STAU2: variants seen among roughly 807,000 people sequenced by gnomAD.
STAU2 encodes the protein staufen double-stranded RNA binding protein 2, also known as double-stranded RNA-binding protein Staufen homolog 2.
In STAU2, 20 loss-of-function variants were observed where a neutral mutation model predicts 65.9. The ratio of observed to expected loss-of-function variants is 0.30; its 90% confidence interval spans 0.21 to 0.44. The LOEUF (loss-of-function observed/expected upper bound fraction) is 0.44. Among genes scored for constraint, STAU2 ranks in the 20% least tolerant of loss-of-function variants. The pLI is 1.00. For synonymous variants in STAU2, 232 were observed against 233.9 expected, an observed-to-expected ratio of 0.99 and a Z score of 0.07; for missense variants, 558 against 683.9, an observed-to-expected ratio of 0.82 and a Z score of 2.05.
chr8:73,624,293 C>T (rs1233453826), intron 6 of STAU2, among the ~76,000 whole-genome samples: 1 of 152,130 alleles, frequency 6.6e-6, no homozygotes, highest in Non-Finnish European at 1.5e-5. Context: ...GTATCACTGA[C>T]AGTAGTGCCA....
At chr8:73,726,041 G>A (rs1805599445) in intron 3 of STAU2, among the ~76,000 whole-genome samples, 3 of 149,698 alleles carry the variant, frequency 2.0e-5, no homozygotes, top group African/African-American at 7.4e-5. Context: ...TTCTACTTTA[G>A]GTTGACTTCT....
chr8:73,651,693 C>T (rs1308581320), intron 6 of STAU2: 5 of 465,492 alleles, frequency 1.1e-5, no homozygotes, highest in Non-Finnish European at 2.0e-5. Flanking sequence ...TGGCGTACCA[C>T]CCCCCAAAGC....
intron 13 of STAU2, among the ~76,000 whole-genome samples, chr8:73,461,187 G>C (rs1447416465): frequency 6.6e-6 from 1 of 152,130 alleles, no homozygotes. Context: ...CCTCAAATGA[G>C]ACAATGCACA....
intron 3 of STAU2, among the ~76,000 whole-genome samples, chr8:73,715,145 T>A (rs1400721769): frequency 6.8e-6 from 1 of 147,108 alleles, no homozygotes; most frequent in Non-Finnish European, 1.5e-5. Flanking sequence ...ATACTATAAA[T>A]CAATTTTTTT....
chr8:73,429,230 C>T (rs1817067847), intron 13 of STAU2, among the ~76,000 whole-genome samples: 1 of 152,128 alleles, frequency 6.6e-6, no homozygotes, highest in Non-Finnish European at 1.5e-5. Context: ...ATGAGCATCA[C>T]TCCGCCATTG....
rs1816346845 is a variant in STAU2, at chr8:73,421,115, A to C, written c.*257T>G. On this transcript the variant is annotated 3_prime_UTR_variant, in exon 15 of 15. Transcript: ENST00000524300. ...TTTACTTGTTATTTTAAGCTCCAGTAGCAGGATCAGATTTCTGCTGCCTCT... is the reference window on the plus strand; with the variant it reads ...TTTACTTGTTATTTTAAGCTCCAGTCGCAGGATCAGATTTCTGCTGCCTCT... 2.6e-6 allele frequency: 1 copy of C among 387,794 alleles called. No homozygotes were observed. Among genetic ancestry groups the C allele is most frequent in the Non-Finnish European group, 4.6e-6 (1 of 218,084 alleles). 24.0% of individuals were successfully genotyped at this position (387,794 alleles called of 1,614,324 possible).
intron 13 of STAU2, among the ~76,000 whole-genome samples, chr8:73,423,379 A>C (rs1158956615): frequency 6.6e-6 from 1 of 152,000 alleles, no homozygotes; most frequent in Non-Finnish European, 1.5e-5. Context: ...GGCACCAAAA[A>C]TGCCATGCTG....
intron 13 of STAU2, among the ~76,000 whole-genome samples, chr8:73,460,539 A>T (rs2128899423): frequency 6.6e-6 from 1 of 152,340 alleles, no homozygotes; most frequent in Middle Eastern, 3.4e-3. Context: ...TGGCTAAATA[A>T]TTATTACATT....
At chr8:73,526,210 T>TGGGC (rs774280702) in intron 13 of STAU2, among the ~76,000 whole-genome samples, 1 of 152,210 alleles carries the variant, frequency 6.6e-6, no homozygotes, top group Non-Finnish European at 1.5e-5. Flanking sequence ...AACTCCTTCA[T>TGGGC]TTAACATAAC....
At chr8:73,446,330 C>G (rs1818465028) in intron 13 of STAU2, among the ~76,000 whole-genome samples, 1 of 152,180 alleles carries the variant, frequency 6.6e-6, no homozygotes, top group African/African-American at 2.4e-5. Flanking sequence ...CGAGGGAGAG[C>G]CTCATGGTGA....
chr8:73,479,472 G>GCGCACACACACACACA (rs1554595263), intron 13 of STAU2, among the ~76,000 whole-genome samples: 1 of 139,842 alleles, frequency 7.2e-6, no homozygotes, highest in South Asian at 2.5e-4. Context: ...TCCCTATTCT[G>GCGCACACACACACACA]CACACACACA....
In STAU2 at chr8:73,673,205, A is replaced by G; in HGVS notation, c.312T>C (p.Ala104=). 1 of 1,605,650 alleles carries G rather than the reference A, an allele frequency of 6.2e-7. No homozygotes were observed. Among genetic ancestry groups the G allele is most frequent in the Non-Finnish European group, 8.5e-7 (1 of 1,175,362 alleles). ...ITPTVELNGL[A]MKRGEPAIYR... ...AGATGGCAGGCTCTCCCCTTTTCAT[A>G]GCAAGCCCATTCAGTTCCACAGTTG... Residue 104 remains alanine (A), a synonymous_variant, in exon 6 of 15, where the codon GCT becomes GCC. Coordinates refer to ENST00000524300, the MANE Select transcript of STAU2 (RefSeq NM_001164380.2).
intron 13 of STAU2, among the ~76,000 whole-genome samples, chr8:73,502,668 T>G (rs1052208976): frequency 3.9e-5 from 6 of 152,064 alleles, no homozygotes; most frequent in Non-Finnish European, 8.8e-5. Flanking sequence ...CTGCATAAAA[T>G]TCTCTTTGTG....
chr8:73,605,485 T>C (rs1021036218), intron 9 of STAU2, among the ~76,000 whole-genome samples: 3 of 151,812 alleles, frequency 2.0e-5, no homozygotes, highest in African/African-American at 7.3e-5. Context: ...ATCTCTGTAT[T>C]TTTCATAGAG....
intron 13 of STAU2, among the ~76,000 whole-genome samples, chr8:73,483,299 A>G (rs757438280): frequency 4.6e-5 from 7 of 152,070 alleles, no homozygotes; most frequent in Admixed American, 4.6e-4. Context: ...ATCAGGGGGG[A>G]AAAAACCTCA....
chr8:73,626,955 C>T (rs1278306361), intron 6 of STAU2, among the ~76,000 whole-genome samples: 1 of 151,854 alleles, frequency 6.6e-6, no homozygotes, highest in Non-Finnish European at 1.5e-5. Context: ...TCTTGCCCTC[C>T]TGGTGGTCAG....
chr8:73,429,773 T>C (rs1563585369), intron 13 of STAU2, among the ~76,000 whole-genome samples: 1 of 152,166 alleles, frequency 6.6e-6, no homozygotes, highest in East Asian at 1.9e-4. Context: ...TCCAGATACC[T>C]GATTTCAGCA....
chr8:73,539,047 G>A (rs1054518513), intron 13 of STAU2, among the ~76,000 whole-genome samples: 3 of 152,172 alleles, frequency 2.0e-5, no homozygotes, highest in Non-Finnish European at 4.4e-5. Flanking sequence ...GGAGAGTCAG[G>A]AGAGGCTACT....
intron 13 of STAU2, among the ~76,000 whole-genome samples, chr8:73,540,920 A>G (rs1212747763): frequency 6.6e-6 from 1 of 152,162 alleles, no homozygotes; most frequent in Non-Finnish European, 1.5e-5. Flanking sequence ...AGGGTTGGCA[A>G]ATGAGCTAGA....
Sources: gnomAD v4.1 joint callset for allele counts (sites outside exome capture counted in the v4.1 genomes callset) on GRCh38, gnomAD v4.1.1 for gene constraint, MANE v1.5 for transcripts, NCBI Gene and HGNC (gene_info 2026-07-23, HGNC 2026-07-21) for gene names.